Variants in MYO3B observed in about 807,000 individuals in gnomAD.
The protein encoded by MYO3B is myosin IIIB, also known as myosin-IIIb.
Under a neutral mutation model 174.6 loss-of-function variants are expected in MYO3B, and 156 were observed. That is an observed-to-expected ratio of 0.89 (90% confidence interval 0.78 to 1.02). MYO3B has a LOEUF of 1.02. Ranked by LOEUF, MYO3B falls within the 50% of genes least tolerant of loss-of-function variation. The pLI is 0.00. For synonymous variants in MYO3B, 563 were observed against 569.1 expected, an observed-to-expected ratio of 0.99 and a Z score of 0.15; for missense variants, 1,632 against 1,639.4, an observed-to-expected ratio of 1.00 and a Z score of 0.08.
chr2:170,633,406 G>GA (rs1559182182), intron 32 of MYO3B, among the ~76,000 whole-genome samples: 1 of 152,140 alleles, frequency 6.6e-6, no homozygotes, highest in Non-Finnish European at 1.5e-5. Flanking sequence ...AAAGGCCTTG[G>GA]ATATAATTCA....
chr2:170,649,134 T>TAATATATAATATATTATATATAA (rs1698702929), intron 32 of MYO3B, among the ~76,000 whole-genome samples: 4 of 73,190 alleles, frequency 5.5e-5, no homozygotes, highest in East Asian at 3.8e-4. Context: ...GTATATAAAA[T>TAATATATAATATATTATATATAA]AATATATAAT....
intron 25 of MYO3B, among the ~76,000 whole-genome samples, chr2:170,474,545 T>A (rs181644294): frequency 1.3e-5 from 2 of 151,194 alleles, no homozygotes; most frequent in African/African-American, 4.9e-5. Flanking sequence ...AAGACCAGCC[T>A]GACCAACATG....
rs60171555 is a variant in MYO3B, at chr2:170,230,336, A to ATTTTTTTTT, written c.604-5637_604-5629dup. Among the ~76,000 whole-genome samples, 214 of 64,700 alleles carry ATTTTTTTTT rather than the reference A, an allele frequency of 3.3e-3. 55 individuals carry two copies. Among genetic ancestry groups the ATTTTTTTTT allele is most frequent in the African/African-American group, 9.0e-3 (131 of 14,634 alleles). 42.4% of individuals were successfully genotyped at this position (64,700 alleles called of 152,430 possible). A position where few individuals can be genotyped will look rare whatever the true frequency, so the allele number is the denominator to read the frequency against. ...AGGCATGTGCCACCACGCCTGGCTA[A>ATTTTTTTTT]TTTTTTTTTTTTTTTTTTTTTTTTT... On this transcript the variant is annotated intron_variant, in intron 6 of 34. Coordinates refer to ENST00000408978, the MANE Select transcript of MYO3B (RefSeq NM_138995.5).
chr2:170,268,584 C>G (rs951143273), intron 7 of MYO3B, among the ~76,000 whole-genome samples: 1 of 152,136 alleles, frequency 6.6e-6, no homozygotes, highest in African/African-American at 2.4e-5. Flanking sequence ...CTACTACAAA[C>G]TTGGGGGCTA....
chr2:170,250,905 T>G (rs1370515332), intron 7 of MYO3B, among the ~76,000 whole-genome samples: 1 of 151,910 alleles, frequency 6.6e-6, no homozygotes, highest in Non-Finnish European at 1.5e-5. Context: ...TCTCATGCCG[T>G]TCTGCCATTC....
At chr2:170,520,435 GTATATATATACACA>G (rs889739659) in intron 30 of MYO3B, among the ~76,000 whole-genome samples, 5 of 149,332 alleles carry the variant, frequency 3.3e-5, no homozygotes, top group Non-Finnish European at 5.9e-5. Flanking sequence ...ATTAAAATAT[GTATATATATACACA>G]TATATATATA....
intron 27 of MYO3B, among the ~76,000 whole-genome samples, chr2:170,501,473 G>T (rs376822945): frequency 1.1e-4 from 16 of 152,230 alleles, no homozygotes; most frequent in African/African-American, 3.1e-4. Flanking sequence ...GCTTTCTCCA[G>T]GGATTAGAAT....
chr2:170,429,979 G>T (rs1367108909), intron 22 of MYO3B, among the ~76,000 whole-genome samples: 1 of 148,146 alleles, frequency 6.8e-6, no homozygotes, highest in Admixed American at 6.7e-5. Context: ...AACAATGTTG[G>T]TTTGAACTGT....
chr2:170,478,333 G>T (rs930451381), intron 25 of MYO3B, among the ~76,000 whole-genome samples: 1 of 152,092 alleles, frequency 6.6e-6, no homozygotes, highest in African/African-American at 2.4e-5. Flanking sequence ...GAATGCGGGA[G>T]TGATTTAAAG....
intron 30 of MYO3B, among the ~76,000 whole-genome samples, chr2:170,539,632 T>A (rs1346311257): frequency 2.0e-5 from 3 of 152,002 alleles, no homozygotes; most frequent in Admixed American, 1.3e-4. Flanking sequence ...TATTTTTTTT[T>A]TTTTGAGATA....
chr2:170,560,285 G>A (rs1691619444), intron 32 of MYO3B, among the ~76,000 whole-genome samples: 1 of 152,138 alleles, frequency 6.6e-6, no homozygotes, highest in Non-Finnish European at 1.5e-5. Flanking sequence ...CAATTTGTTG[G>A]TATTTTCTGT....
intron 22 of MYO3B, among the ~76,000 whole-genome samples, chr2:170,408,217 C>T (rs1370935): frequency 0.26 from 39,209 of 152,052 alleles, 6,045 homozygotes; most frequent in Non-Finnish European, 0.33. Context: ...ATTATTTCTA[C>T]TTGTGTGTCA....
chr2:170,448,472 G>A (rs1683391085), intron 23 of MYO3B, among the ~76,000 whole-genome samples: 1 of 152,160 alleles, frequency 6.6e-6, no homozygotes, highest in African/African-American at 2.4e-5. Flanking sequence ...GCATAGTGGG[G>A]TTAGGTATTG....
intron 32 of MYO3B, among the ~76,000 whole-genome samples, chr2:170,632,639 G>C (rs1008750599): frequency 6.6e-6 from 1 of 151,872 alleles, no homozygotes; most frequent in Non-Finnish European, 1.5e-5. Flanking sequence ...GATCAGAGGA[G>C]AACTGAAAGA....
At chr2:170,349,201 T>A (rs2094041179) in intron 8 of MYO3B, among the ~76,000 whole-genome samples, 1 of 152,170 alleles carries the variant, frequency 6.6e-6, no homozygotes, top group Admixed American at 6.5e-5. Context: ...CAAGTGATGC[T>A]TCCCCTGACT....
chr2:170,303,429 A>G (rs1574749593), intron 7 of MYO3B, among the ~76,000 whole-genome samples: 1 of 152,104 alleles, frequency 6.6e-6, no homozygotes, highest in Non-Finnish European at 1.5e-5. Flanking sequence ...TCACATTCTC[A>G]TTTACATTTT....
intron 32 of MYO3B, among the ~76,000 whole-genome samples, chr2:170,596,283 T>A (rs963789114): frequency 6.6e-6 from 1 of 152,170 alleles, no homozygotes; most frequent in Non-Finnish European, 1.5e-5. Flanking sequence ...TCACAACCTT[T>A]CTGAGGGGCA....
chr2:170,579,165 T>C (rs890773286), intron 32 of MYO3B, among the ~76,000 whole-genome samples: 2 of 152,288 alleles, frequency 1.3e-5, no homozygotes, highest in South Asian at 4.1e-4. Context: ...ATGTAAAGAT[T>C]TGCATTCTGT....
intron 7 of MYO3B, among the ~76,000 whole-genome samples, chr2:170,305,135 A>G (rs1229356429): frequency 6.6e-6 from 1 of 151,958 alleles, no homozygotes; most frequent in East Asian, 1.9e-4. Context: ...TTCAAGTAGG[A>G]ATGTAATTAG....
Sources: allele counts gnomAD v4.1 joint callset (sites outside exome capture counted in the v4.1 genomes callset), GRCh38; gene constraint gnomAD v4.1.1; transcripts MANE v1.5; gene names NCBI Gene and HGNC (gene_info 2026-07-23, HGNC 2026-07-21).